Variants in KIF21A observed in about 807,000 individuals in gnomAD.
The protein encoded by KIF21A is kinesin family member 21A, also known as kinesin-like protein KIF21A.
KIF21A carries 114 observed loss-of-function variants against 202.9 expected under a neutral mutation model. That is an observed-to-expected ratio of 0.56 (90% CI 0.48 to 0.66). The LOEUF is 0.66. Ranked by LOEUF, KIF21A falls within the 30% of genes least tolerant of loss-of-function variation. The pLI is 0.00. For missense variants in KIF21A, 1,677 were observed against 1,994.9 expected (o/e 0.84, Z 3.04); for synonymous variants, 667 against 670.8 (o/e 0.99, Z 0.09).
chr12:39,321,241 T>A (rs993963123), intron 27 of KIF21A: 8 of 152,146 alleles, frequency 5.3e-5, no homozygotes, highest in Non-Finnish European at 1.0e-4. Context: ...GCATGTGAAT[T>A]TATGAAAACT....
At chr12:39,396,634 T>C (rs1407659451) in intron 1 of KIF21A, among the ~76,000 whole-genome samples, 2 of 152,182 alleles carry the variant, frequency 1.3e-5, no homozygotes, top group African/African-American at 4.8e-5. Context: ...CCTGAAAGAA[T>C]ACTTACGATA....
At chr12:39,339,833 G>A (rs955192654) in intron 16 of KIF21A, among the ~76,000 whole-genome samples, 2 of 152,190 alleles carry the variant, frequency 1.3e-5, no homozygotes, top group South Asian at 2.1e-4. Context: ...AAACTAGACT[G>A]TGGATACAGT....
At chr12:39,416,726 CATATA>C (rs1953713992) in intron 1 of KIF21A, among the ~76,000 whole-genome samples, 1 of 71,270 alleles carries the variant, frequency 1.4e-5, no homozygotes, top group African/African-American at 6.6e-5. Flanking sequence ...TATATATGTA[CATATA>C]TATGTGTATA....
At chr12:39,344,211 A>G (rs74653746) in intron 12 of KIF21A, among the ~76,000 whole-genome samples, 6,263 of 152,246 alleles carry the variant, frequency 0.041, 426 homozygotes, top group African/African-American at 0.14. Context: ...TGCTTATAAT[A>G]TACTAGGACT....
chr12:39,346,141 T>TG (rs1565886766), intron 12 of KIF21A, among the ~76,000 whole-genome samples: 1 of 152,000 alleles, frequency 6.6e-6, no homozygotes, highest in East Asian at 1.9e-4. Flanking sequence ...TTTCTTTTTT[T>TG]AATAAATCAA....
At chr12:39,399,286 T>G (rs901929057) in intron 1 of KIF21A, among the ~76,000 whole-genome samples, 82 of 152,342 alleles carry the variant, frequency 5.4e-4, no homozygotes, top group African/African-American at 1.8e-3. Flanking sequence ...TGTGAGGATG[T>G]GTGAGTATAT....
Position 39,340,998 on chromosome 12 carries a change from G to A in KIF21A, c.2018C>T (p.Thr673Ile). The change falls in exon 15 of 38, where the codon ACT (threonine) becomes ATT (isoleucine). Residue 673 changes from threonine to isoleucine, a missense_variant. Around this residue, in one of 3 missense-constraint regions of KIF21A, gnomAD observed 966 missense variants for 1,180.9 expected, o/e 0.82. Transcript: ENST00000361418. ...CTTCTCTTCATACTGCTTTTTCAGA[G>A]TCTGCAGTCTTTTCTGGCTGTTTTC... ...ELENSQKRLQTLKKQYEEKLM... is the reference protein window; with the variant it reads ...ELENSQKRLQILKKQYEEKLM... The A allele has an allele frequency of 6.2e-7, 1 of 1,612,702 alleles. No homozygotes were observed. Among genetic ancestry groups the A allele is most frequent in the Non-Finnish European group, 8.5e-7 (1 of 1,179,130 alleles).
chr12:39,346,583 G>T, intron 11 of KIF21A, 79 bp from the exon 12 acceptor site: 1 of 995,032 alleles, frequency 1.0e-6, no homozygotes, highest in Non-Finnish European at 1.4e-6. Flanking sequence ...AAAGTGATAA[G>T]AAGGTAAAAA....
chr12:39,353,745 A>G (rs1415467155), intron 10 of KIF21A, among the ~76,000 whole-genome samples: 1 of 152,116 alleles, frequency 6.6e-6, no homozygotes, highest in African/African-American at 2.4e-5. Context: ...GGCATATCCA[A>G]TGAGTCTTTG....
Position 39,303,019 on chromosome 12 carries a change from C to T in KIF21A, c.4677G>A (p.Gly1559=), listed in dbSNP as rs1187158675. ...ATTTCTTGATTCCATTATCTCTAGA[C>T]CCACTAAATAGGTTATCCCCTTGAA... is the stretch of plus-strand genomic sequence containing the variant. ...LTIQGDNLFS[G]SRDNGIKKWD... The change falls in exon 36 of 38, where the codon GGG becomes GGA. Residue 1559 remains glycine, a synonymous_variant. Transcript: ENST00000361418. 6 of 1,613,990 alleles carry T rather than the reference C, an allele frequency of 3.7e-6. No individual in the cohort carries two copies. In the East Asian group the frequency reaches 1.3e-4, roughly 36 times the overall value.
At position 39,332,688 on chromosome 12, in the gene KIF21A, C is replaced by A. The variant is rs747284586; in HGVS notation, c.2759G>T (p.Arg920Leu). ...GCGCTCAAGGAGCTGCCACTTCATG[C>A]GAGCTGTCTTGGAAATAAACACTCG... ...TGRVFISKTA[R>L]MKWQLLERRV... The change falls in exon 20 of 38, where the codon CGC becomes CTC. Residue 920 changes from arginine (R) to leucine (L), a missense_variant. By Grantham distance (102) the Arg-to-Leu change is moderately radical. Transcript: ENST00000361418. 6.2e-7 allele frequency: 1 copy of A among 1,613,960 alleles called. No individual in the cohort carries two copies. The highest frequency in any genetic ancestry group is 8.5e-7 in the Non-Finnish European group (1 of 1,179,908).
chr12:39,341,455 T>C (rs1357784211), intron 14 of KIF21A, 50 bp downstream of exon 14: 1 of 1,579,216 alleles, frequency 6.3e-7, no homozygotes, highest in Non-Finnish European at 8.7e-7. Flanking sequence ...TGTCATGGTT[T>C]AAACAACTTC....
At chr12:39,415,332 C>CGG (rs1438350113) in intron 1 of KIF21A, among the ~76,000 whole-genome samples, 3 of 149,514 alleles carry the variant, frequency 2.0e-5, no homozygotes, top group African/African-American at 7.4e-5. Context: ...CTCCGCCTCC[C>CGG]GGGTTCACGC....
Position 39,363,149 on chromosome 12 carries a change from T to A in KIF21A, c.968A>T (p.Tyr323Phe), listed in dbSNP as rs1490765240. The A allele has an allele frequency of 6.2e-7, 1 of 1,613,442 alleles. No individual in the cohort carries two copies. Among genetic ancestry groups the A allele is most frequent in the Non-Finnish European group, 8.5e-7 (1 of 1,179,536 alleles). Residue 323 changes from tyrosine to phenylalanine, a missense_variant, in exon 7 of 38, where the codon TAT becomes TTT. Physicochemically the swap from Tyr to Phe is conservative, Grantham distance 22. This residue lies in a region of KIF21A where 966 missense variants were observed against 1,180.9 expected (regional missense o/e 0.82). Coordinates refer to ENST00000361418, the MANE Select transcript of KIF21A (RefSeq NM_001173464.2). ...TAGTCTTGTTAGCTTGGAATCTCTATAGGGGACATGTGTGGCCCTCTTGCT... is the reference window on the plus strand; with the variant it reads ...TAGTCTTGTTAGCTTGGAATCTCTAAAGGGGACATGTGTGGCCCTCTTGCT... ...DKSKRATHVP[Y>F]RDSKLTRLLQ...
chr12:39,297,876 T>A (rs59109631), intron 37 of KIF21A, among the ~76,000 whole-genome samples: 9,476 of 148,658 alleles, frequency 0.064, 1,014 homozygotes, highest in African/African-American at 0.22. Context: ...TAATAATTAT[T>A]ATTATTATTA....
At chr12:39,331,631 A>G (rs1946514238) in intron 22 of KIF21A, 59 bp downstream of exon 22, 1 of 1,103,658 alleles carries the variant, frequency 9.1e-7, no homozygotes, top group African/African-American at 1.5e-5. Context: ...AAAGATAAAT[A>G]AAACTACAAT....
At chr12:39,409,416 A>C (rs1952892168) in intron 1 of KIF21A, among the ~76,000 whole-genome samples, 1 of 151,348 alleles carries the variant, frequency 6.6e-6, no homozygotes, top group Non-Finnish European at 1.5e-5. Context: ...ATAGCTACTC[A>C]GGAGGCTGAA....
intron 29 of KIF21A, among the ~76,000 whole-genome samples, chr12:39,316,187 TG>T (rs1451624119): frequency 6.6e-6 from 1 of 152,108 alleles, no homozygotes; most frequent in African/African-American, 2.4e-5. Flanking sequence ...AGCAAGACTT[TG>T]GGGGCTAAAA....
At chr12:39,397,935 C>A (rs1413307893) in intron 1 of KIF21A, among the ~76,000 whole-genome samples, 2 of 152,234 alleles carry the variant, frequency 1.3e-5, no homozygotes, top group African/African-American at 4.8e-5. Context: ...GTATGACTTA[C>A]AAAGTTTTGC....
Sources: gnomAD v4.1 joint callset for allele counts (sites outside exome capture counted in the v4.1 genomes callset) on GRCh38, gnomAD v4.1.1 for gene constraint, gnomAD v4.1.1 regional missense constraint, MANE v1.5 for transcripts, NCBI Gene and HGNC (gene_info 2026-07-23, HGNC 2026-07-21) for gene names.